LRRFIP1: variants seen among roughly 807,000 people sequenced by gnomAD.
The protein encoded by LRRFIP1 is leucine-rich repeat flightless-interacting protein 1.
In LRRFIP1, 62 loss-of-function variants were observed where a neutral mutation model predicts 104.4. That is an observed-to-expected ratio of 0.59 (90% CI 0.48 to 0.73). The LOEUF (loss-of-function observed/expected upper bound fraction) is 0.73, where lower values mean the gene tolerates loss of function less well. LRRFIP1 is among the 30% of genes least tolerant of loss of function. The pLI, the probability that LRRFIP1 is intolerant of heterozygous loss-of-function variation, is 0.00. For missense variants in LRRFIP1, 796 were observed against 824.5 expected (o/e 0.97, Z 0.42); for synonymous variants, 300 against 299.0 (o/e 1.00, Z -0.03).
At chr2:237,675,227 C>A (rs2090975601) in intron 1 of LRRFIP1, among the ~76,000 whole-genome samples, 2 of 152,214 alleles carry the variant, frequency 1.3e-5, no homozygotes. Context: ...GATGACGCCT[C>A]TGTGGTATGA....
chr2:237,752,374 C>G (rs189786891), intron 14 of LRRFIP1, among the ~76,000 whole-genome samples: 159 of 152,340 alleles, frequency 1.0e-3, no homozygotes, highest in African/African-American at 3.6e-3. Flanking sequence ...CCACTGCACT[C>G]CAGCCTGGGT....
At chr2:237,773,510 C>A (rs2060825832) in intron 22 of LRRFIP1, among the ~76,000 whole-genome samples, 1 of 152,118 alleles carries the variant, frequency 6.6e-6, no homozygotes, top group Non-Finnish European at 1.5e-5. Flanking sequence ...TGCACTCCAG[C>A]CTGGGCAACA....
In LRRFIP1 at chr2:237,711,311, T is replaced by C. The variant is rs73099035; in HGVS notation, c.183+2681T>C. On this transcript the variant is annotated intron_variant, in intron 2 of 23. Transcript: ENST00000308482. The surrounding 1 kb of genome is among the most constrained non-coding windows in gnomAD (Gnocchi z 4.4). Reference sequence around the variant, plus strand: ...TTGCTTAGTAGATGGCATTCACATTTTGAAATTCTTCTCCCTACAGCATGG... The same window carrying C: ...TTGCTTAGTAGATGGCATTCACATTCTGAAATTCTTCTCCCTACAGCATGG... 0.044 allele frequency among the ~76,000 whole-genome samples: 6,732 copies of C among 152,246 alleles called. 471 individuals are homozygous for C. Among genetic ancestry groups the C allele is most frequent in the African/African-American group, 0.15 (6,341 of 41,528 alleles).
chr2:237,701,009 T>C (rs1304318683), intron 1 of LRRFIP1, among the ~76,000 whole-genome samples: 3 of 152,180 alleles, frequency 2.0e-5, no homozygotes, highest in African/African-American at 7.2e-5. Flanking sequence ...AGTAAGAACA[T>C]TTCCTGTGAC....
chr2:237,699,792 C>T (rs899387634), intron 1 of LRRFIP1, among the ~76,000 whole-genome samples: 1 of 145,340 alleles, frequency 6.9e-6, no homozygotes, highest in Non-Finnish European at 1.5e-5. Context: ...ATCTTTTTGA[C>T]ATCCCAGTCC....
intron 11 of LRRFIP1, 103 bp downstream of exon 11, chr2:237,739,412 G>A (rs955562627): frequency 6.9e-6 from 7 of 1,012,762 alleles, no homozygotes; most frequent in Non-Finnish European, 1.0e-5. Flanking sequence ...TTACTCTGCG[G>A]TGATATTATT....
chr2:237,771,925 T>C (rs2060682125), intron 20 of LRRFIP1, 156 bp from the exon 21 acceptor site: 1 of 600,738 alleles, frequency 1.7e-6, no homozygotes, highest in South Asian at 2.0e-5. Context: ...TTTCATTCAT[T>C]GTACATTGAA....
At chr2:237,650,407 C>T (rs986030353) in intron 1 of LRRFIP1, among the ~76,000 whole-genome samples, 1 of 151,960 alleles carries the variant, frequency 6.6e-6, no homozygotes, top group African/African-American at 2.4e-5. Flanking sequence ...TTCCCCCTAG[C>T]AAGAGGGGTG....
At chr2:237,762,939 A>G (rs1457119566) in intron 19 of LRRFIP1, 4 of 1,614,094 alleles carry the variant, frequency 2.5e-6, no homozygotes, top group African/African-American at 2.7e-5. Context: ...GAGCCATCCA[A>G]CTGTTGGAGT....
At chr2:237,752,034 T>A (rs541899490) in intron 14 of LRRFIP1, among the ~76,000 whole-genome samples, 1 of 152,322 alleles carries the variant, frequency 6.6e-6, no homozygotes, top group African/African-American at 2.4e-5. Flanking sequence ...ACATCGATCA[T>A]GACTAATTCA....
At chr2:237,747,348 T>C (rs2150576242) in intron 11 of LRRFIP1, among the ~76,000 whole-genome samples, 1 of 152,296 alleles carries the variant, frequency 6.6e-6, no homozygotes. Context: ...TGAGCCTTCC[T>C]GGTGGGACCG....
Position 237,750,326 on chromosome 2 carries a change from C to CTTTTTT in LRRFIP1, c.796-854_796-849dup, listed in dbSNP as rs928510240. ...CCTTTTTCTTTTCTTTTCTTTCTTT[C>CTTTTTT]TTTTTTTTTTTTTTTTTTTTTTTTT... is the stretch of plus-strand genomic sequence containing the variant. On this transcript the variant is annotated intron_variant, in intron 13 of 23. Transcript: ENST00000308482. 3.1e-3 allele frequency among the ~76,000 whole-genome samples: 191 copies of CTTTTTT among 60,692 alleles called. 3 individuals carry two copies. Among genetic ancestry groups the CTTTTTT allele is most frequent in the East Asian group, 5.8e-3 (11 of 1,912 alleles). 39.8% of individuals were successfully genotyped at this position (60,692 alleles called of 152,430 possible).
chr2:237,656,352 A>C (rs2086816008), intron 1 of LRRFIP1, among the ~76,000 whole-genome samples: 1 of 152,244 alleles, frequency 6.6e-6, no homozygotes, highest in Non-Finnish European at 1.5e-5. Flanking sequence ...ATGAGTTTAA[A>C]GATATTTGAG....
chr2:237,781,042 G>A lies in LRRFIP1; in HGVS notation c.*1510G>A, dbSNP rs1248351291. The stretch of plus-strand genomic sequence containing the variant: ...GCACACCCGGGCACCGTATGAACAG[G>A]AAAGAGGAAGGAAGCTGGACGAAGC... On this transcript the variant is annotated 3_prime_UTR_variant, in exon 24 of 24. Transcript: ENST00000308482. 6.6e-6 allele frequency among the ~76,000 whole-genome samples: 1 copy of A among 151,270 alleles called. No individual in the cohort carries two copies. The highest frequency in any genetic ancestry group is 1.5e-5 in the Non-Finnish European group (1 of 68,036).
At chr2:237,755,226 G>A (rs2059129142) in intron 15 of LRRFIP1, among the ~76,000 whole-genome samples, 1 of 152,190 alleles carries the variant, frequency 6.6e-6, no homozygotes, top group Admixed American at 6.5e-5. Flanking sequence ...CTCAGGTGGG[G>A]AGGCCAGGCC....
intron 1 of LRRFIP1, among the ~76,000 whole-genome samples, chr2:237,659,465 G>A (rs1198802698): frequency 1.3e-5 from 2 of 151,696 alleles, no homozygotes; most frequent in Non-Finnish European, 2.9e-5. Flanking sequence ...CTAAGTTAAT[G>A]CTTCATACCT....
At chr2:237,657,509 C>T (rs1022438979) in intron 1 of LRRFIP1, among the ~76,000 whole-genome samples, 2 of 152,028 alleles carry the variant, frequency 1.3e-5, no homozygotes, top group Non-Finnish European at 2.9e-5. Flanking sequence ...ACAACAACAA[C>T]AAATCAAGAT....
intron 3 of LRRFIP1, among the ~76,000 whole-genome samples, chr2:237,715,515 G>A (rs2094294411): frequency 6.6e-6 from 1 of 152,202 alleles, no homozygotes; most frequent in Non-Finnish European, 1.5e-5. Flanking sequence ...GGGATACATT[G>A]TGAGAACTTT....
chr2:237,764,037 C>G (rs1485576305), intron 19 of LRRFIP1: 3 of 1,614,138 alleles, frequency 1.9e-6, no homozygotes. Flanking sequence ...GATGACTTGT[C>G]GGCACCAGGA....
Sources: allele counts gnomAD v4.1 joint callset (sites outside exome capture counted in the v4.1 genomes callset), GRCh38; gene constraint gnomAD v4.1.1; non-coding constraint Gnocchi (gnomAD v3.1); transcripts MANE v1.5; gene names NCBI Gene and HGNC (gene_info 2026-07-23, HGNC 2026-07-21).